The following FGF12 variants were observed in gnomAD, a reference collection of about 807,000 sequenced individuals.
The protein encoded by FGF12 is fibroblast growth factor 12B.
FGF12 carries 14 observed loss-of-function variants against 23.6 expected under a neutral mutation model. The observed-to-expected ratio is 0.59, with a 90% CI of 0.39 to 0.93. FGF12 has a LOEUF of 0.93. Among genes scored for constraint, FGF12 ranks in the 40% least tolerant of loss-of-function variants. The pLI, the probability that FGF12 is intolerant of heterozygous loss-of-function variation, is 0.00. For synonymous variants in FGF12, 62 were observed against 77.3 expected (o/e 0.80, Z 1.04); for missense variants, 175 against 217.8 (o/e 0.80, Z 1.24).
intron 2 of FGF12, among the ~76,000 whole-genome samples, chr3:192,639,587 G>A (rs1715714510): frequency 6.6e-6 from 1 of 152,178 alleles, no homozygotes; most frequent in Non-Finnish European, 1.5e-5. Flanking sequence ...GGAAACGGTG[G>A]TATACACAGT....
At chr3:192,554,584 C>T (rs756803243) in intron 2 of FGF12, among the ~76,000 whole-genome samples, 1 of 152,044 alleles carries the variant, frequency 6.6e-6, no homozygotes, top group African/African-American at 2.4e-5. Context: ...CTATACAAAG[C>T]CAGTTCATAA....
chr3:192,206,046 C>A (rs1197551898), intron 4 of FGF12, among the ~76,000 whole-genome samples: 1 of 152,170 alleles, frequency 6.6e-6, no homozygotes, highest in East Asian at 1.9e-4. Context: ...TCCAAGAAAA[C>A]CATGCATATT....
At chr3:192,373,365 T>C (rs1039311675) in intron 2 of FGF12, among the ~76,000 whole-genome samples, 1 of 151,592 alleles carries the variant, frequency 6.6e-6, no homozygotes, top group Non-Finnish European at 1.5e-5. Context: ...ATTGGAAGAG[T>C]TCCGTGGCTC....
At chr3:192,300,739 C>T (rs1173496159) in intron 4 of FGF12, among the ~76,000 whole-genome samples, 3 of 152,110 alleles carry the variant, frequency 2.0e-5, no homozygotes, top group Non-Finnish European at 4.4e-5. Context: ...GAAGGCTCAC[C>T]TGGCGCAGTG....
chr3:192,664,444 T>C (rs751575548), intron 2 of FGF12, among the ~76,000 whole-genome samples: 1 of 151,760 alleles, frequency 6.6e-6, no homozygotes, highest in Non-Finnish European at 1.5e-5. Context: ...ATTTATACAA[T>C]GAGGTTTTTA....
chr3:192,582,013 A>G (rs1170928210), intron 2 of FGF12, among the ~76,000 whole-genome samples: 1 of 152,204 alleles, frequency 6.6e-6, no homozygotes, highest in African/African-American at 2.4e-5. Context: ...GATTTGTGGG[A>G]AAATAAAATT....
Position 192,689,480 on chromosome 3 carries a change from A to G in FGF12, c.13+37701T>C, listed in dbSNP as rs370096032. On this transcript the variant is annotated intron_variant, in intron 2 of 5. Coordinates refer to ENST00000445105, the MANE Select transcript of FGF12 (RefSeq NM_004113.6). ...TCAACAAAATGATAGAAAACATTAGAAAATAACCAAACAGAAATTTTGGAG... is the reference window on the plus strand; with the variant it reads ...TCAACAAAATGATAGAAAACATTAGGAAATAACCAAACAGAAATTTTGGAG... Among the ~76,000 whole-genome samples the G allele has an allele frequency of 2.2e-4, 33 of 152,252 alleles. No individual in the cohort carries two copies. The East Asian group carries it at 6.4e-3, about 29-fold the overall frequency.
chr3:192,655,951 G>A (rs1378547766), intron 2 of FGF12, among the ~76,000 whole-genome samples: 1 of 150,944 alleles, frequency 6.6e-6, no homozygotes, highest in Non-Finnish European at 1.5e-5. Flanking sequence ...GGGACTGGAG[G>A]GGAAGAATAA....
At chr3:192,328,151 T>G (rs1264661881) in intron 4 of FGF12, among the ~76,000 whole-genome samples, 2 of 152,212 alleles carry the variant, frequency 1.3e-5, no homozygotes, top group African/African-American at 4.8e-5. Context: ...TTATGGACTA[T>G]GGCATTCACT....
intron 4 of FGF12, among the ~76,000 whole-genome samples, chr3:192,306,504 G>A (rs923559953): frequency 1.3e-5 from 2 of 152,174 alleles, no homozygotes; most frequent in Non-Finnish European, 2.9e-5. Flanking sequence ...TGTAATCCCA[G>A]AGTTTTGGGA....
chr3:192,256,764 ATTAT>A (rs912351977), intron 4 of FGF12, among the ~76,000 whole-genome samples: 6 of 152,172 alleles, frequency 3.9e-5, no homozygotes, highest in Admixed American at 6.5e-5. Flanking sequence ...ATTTGATGTA[ATTAT>A]TTATGGATTA....
intron 2 of FGF12, among the ~76,000 whole-genome samples, chr3:192,527,944 C>T (rs1560140389): frequency 6.6e-6 from 1 of 151,926 alleles, no homozygotes; most frequent in East Asian, 1.9e-4. Context: ...GGAGAAAGAC[C>T]CACCCCCATT....
intron 2 of FGF12, among the ~76,000 whole-genome samples, chr3:192,558,400 A>C (rs1711876087): frequency 6.6e-6 from 1 of 151,944 alleles, no homozygotes; most frequent in Non-Finnish European, 1.5e-5. Flanking sequence ...GTACACTAAA[A>C]ACTACAAAAC....
intron 2 of FGF12, among the ~76,000 whole-genome samples, chr3:192,548,558 G>C (rs1209830176): frequency 2.6e-5 from 4 of 152,120 alleles, no homozygotes; most frequent in Admixed American, 2.6e-4. Context: ...GCTATCACCT[G>C]TATTTTCAGT....
chr3:192,141,382 T>C lies in FGF12; in HGVS notation c.*2627A>G, dbSNP rs1197680619. 1 of 152,120 alleles carries C rather than the reference T, an allele frequency of 6.6e-6. No individual in the cohort carries two copies. The highest frequency in any genetic ancestry group is 2.1e-4 in the South Asian group (1 of 4,832). The allele number at this position is 152,120 out of a possible 1,614,324, so 9.4% of individuals were successfully genotyped here. A position where few individuals can be genotyped will look rare whatever the true frequency, so the allele number is the denominator to read the frequency against. On this transcript the variant is annotated 3_prime_UTR_variant, in exon 6 of 6. Coordinates refer to ENST00000445105, the MANE Select transcript of FGF12 (RefSeq NM_004113.6). ...TTAAAGTTTTCATGTACTTGAGAAG[T>C]AAGCAGGAGTTAAGCAAACATTCAC...
chr3:192,469,696 A>T (rs191093280), intron 2 of FGF12, among the ~76,000 whole-genome samples: 1 of 152,326 alleles, frequency 6.6e-6, no homozygotes, highest in Admixed American at 6.5e-5. Flanking sequence ...GTGTGTAATA[A>T]CCGTCCCCAC....
intron 2 of FGF12, among the ~76,000 whole-genome samples, chr3:192,600,838 T>C (rs538099699): frequency 6.6e-6 from 1 of 152,166 alleles, no homozygotes; most frequent in African/African-American, 2.4e-5. Flanking sequence ...TACTCTTATA[T>C]GCTGTTGATG....
intron 4 of FGF12, among the ~76,000 whole-genome samples, chr3:192,323,340 G>C (rs1716645562): frequency 6.6e-6 from 1 of 152,210 alleles, no homozygotes; most frequent in African/African-American, 2.4e-5. Context: ...AATAGATAAA[G>C]AAGATATGGT....
chr3:192,526,231 G>C (rs1724943207), intron 2 of FGF12, among the ~76,000 whole-genome samples: 1 of 152,074 alleles, frequency 6.6e-6, no homozygotes, highest in Non-Finnish European at 1.5e-5. Context: ...GGCTGGATTA[G>C]GTGCCCTTCT....
Sources: allele counts gnomAD v4.1 joint callset (sites outside exome capture counted in the v4.1 genomes callset), GRCh38; gene constraint gnomAD v4.1.1; transcripts MANE v1.5; gene names NCBI Gene and HGNC (gene_info 2026-07-23, HGNC 2026-07-21).